SCAPER: variants seen among roughly 807,000 people sequenced by gnomAD.
SCAPER encodes S phase cyclin A-associated protein in the endoplasmic reticulum.
A neutral mutation model predicts 182.2 loss-of-function variants in SCAPER; 98 were observed. That is an observed-to-expected ratio of 0.54 (90% CI 0.46 to 0.64). The LOEUF (loss-of-function observed/expected upper bound fraction) is 0.64, where lower values mean the gene tolerates loss of function less well. Ranked by LOEUF, SCAPER falls within the 30% of genes least tolerant of loss-of-function variation. SCAPER has a pLI of 0.00. For missense variants in SCAPER, 1,432 were observed against 1,690.0 expected, an observed-to-expected ratio of 0.85 and a Z score of 2.68; for synonymous variants, 605 against 564.6, an observed-to-expected ratio of 1.07 and a Z score of -1.01.
intron 21 of SCAPER, among the ~76,000 whole-genome samples, chr15:76,633,006 C>T (rs575260836): frequency 2.6e-5 from 4 of 152,066 alleles, no homozygotes; most frequent in South Asian, 4.2e-4. Context: ...AACTCCTGAC[C>T]GCAGGTGATC....
At chr15:76,425,113 G>A (rs1161929915) in intron 26 of SCAPER, among the ~76,000 whole-genome samples, 1 of 152,062 alleles carries the variant, frequency 6.6e-6, no homozygotes, top group Non-Finnish European at 1.5e-5. Context: ...TGCTCTTCTC[G>A]AGGAGTATCT....
chr15:76,625,495 C>A (rs1181732539), intron 21 of SCAPER, among the ~76,000 whole-genome samples: 1 of 152,140 alleles, frequency 6.6e-6, no homozygotes, highest in Non-Finnish European at 1.5e-5. Flanking sequence ...CACTTCATCC[C>A]TGGAGGCAGT....
intron 23 of SCAPER, among the ~76,000 whole-genome samples, chr15:76,569,285 T>C (rs2047269245): frequency 6.6e-6 from 1 of 152,178 alleles, no homozygotes; most frequent in Non-Finnish European, 1.5e-5. Context: ...CCAAACGCTT[T>C]CGTTGTGTCT....
intron 5 of SCAPER, among the ~76,000 whole-genome samples, chr15:76,806,380 A>T (rs1267508578): frequency 2.0e-5 from 3 of 152,206 alleles, no homozygotes; most frequent in Non-Finnish European, 4.4e-5. Context: ...AAGGATTTCA[A>T]ATCTATTTCA....
chr15:76,614,369 T>G (rs1359455331), intron 22 of SCAPER, among the ~76,000 whole-genome samples: 1 of 152,008 alleles, frequency 6.6e-6, no homozygotes, highest in East Asian at 1.9e-4. Context: ...ATGTAACAAA[T>G]CTGCACTTGT....
chr15:76,856,269 G>A (rs2071358378), intron 4 of SCAPER, among the ~76,000 whole-genome samples: 1 of 151,934 alleles, frequency 6.6e-6, no homozygotes, highest in Non-Finnish European at 1.5e-5. Context: ...CCTCCTTGAG[G>A]GTGGGAGAAA....
intron 29 of SCAPER, among the ~76,000 whole-genome samples, chr15:76,357,499 C>T (rs1040153036): frequency 2.6e-5 from 4 of 152,168 alleles, no homozygotes; most frequent in Admixed American, 2.6e-4. Flanking sequence ...AACGCTTATA[C>T]GCTGTTGGTG....
At chr15:76,523,493 A>G (rs1263604143) in intron 23 of SCAPER, among the ~76,000 whole-genome samples, 1 of 152,080 alleles carries the variant, frequency 6.6e-6, no homozygotes, top group Non-Finnish European at 1.5e-5. Flanking sequence ...CTTTGGAAAA[A>G]TGAGTAATAA....
Position 76,520,073 on chromosome 15 carries a change from G to T in SCAPER, c.2839-15099C>A, listed in dbSNP as rs565097974. ...TCACTCATGTTACTTCCTCAAAGGG[G>T]CCTTCTCTAACCTCTAGATTGTGTT... On this transcript the variant is annotated intron_variant, in intron 23 of 31. Coordinates refer to ENST00000563290, the MANE Select transcript of SCAPER (RefSeq NM_020843.4). Among the ~76,000 whole-genome samples, 7 of 152,164 alleles carry T rather than the reference G, an allele frequency of 4.6e-5. No individual in the cohort carries two copies. In the South Asian group the frequency reaches 1.2e-3, roughly 27 times the overall value.
chr15:76,367,562 C>T (rs2041893119), intron 29 of SCAPER, among the ~76,000 whole-genome samples: 1 of 152,104 alleles, frequency 6.6e-6, no homozygotes, highest in Non-Finnish European at 1.5e-5. Context: ...TGGCAGCAGC[C>T]CCTCAGGCTG....
intron 20 of SCAPER, among the ~76,000 whole-genome samples, chr15:76,698,536 G>A (rs777061527): frequency 1.3e-5 from 2 of 152,128 alleles, no homozygotes; most frequent in African/African-American, 2.4e-5. Context: ...AAAAATGCAA[G>A]CACATAAAAT....
chr15:76,525,007 T>C (rs941845038), intron 23 of SCAPER, among the ~76,000 whole-genome samples: 8 of 152,298 alleles, frequency 5.3e-5, no homozygotes, highest in African/African-American at 1.9e-4. Flanking sequence ...AAAAAATATA[T>C]AGGCATTCCT....
chr15:76,752,618 C>T (rs1290896932), intron 15 of SCAPER, among the ~76,000 whole-genome samples: 1 of 151,668 alleles, frequency 6.6e-6, no homozygotes, highest in Non-Finnish European at 1.5e-5. Flanking sequence ...ATAAGCCAGT[C>T]ACAAAAGGAT....
rs562193356 is a variant in SCAPER at position 76,771,443 on chromosome 15, C to T, written c.1248+299G>A. On this transcript the variant is annotated intron_variant, in intron 10 of 31. Coordinates refer to ENST00000563290, the MANE Select transcript of SCAPER (RefSeq NM_020843.4). ...AGAATGCTAGATGTAGCATAGAAGACTTTATTGTTACTAGTTTAGATTCTT... is the reference window on the plus strand; with the variant it reads ...AGAATGCTAGATGTAGCATAGAAGATTTTATTGTTACTAGTTTAGATTCTT... 2.0e-5 allele frequency among the ~76,000 whole-genome samples: 3 copies of T among 152,200 alleles called. No individual in the cohort carries two copies. The South Asian group carries it at 6.2e-4, about 32-fold the overall frequency.
intron 22 of SCAPER, among the ~76,000 whole-genome samples, chr15:76,591,391 A>G (rs1161520081): frequency 6.6e-6 from 1 of 152,250 alleles, no homozygotes; most frequent in Non-Finnish European, 1.5e-5. Flanking sequence ...TAACAAAAAC[A>G]ATGGAAAGGG....
At chr15:76,775,258 T>C in intron 8 of SCAPER, 141 bp from the exon 9 acceptor site, 1 of 672,750 alleles carries the variant, frequency 1.5e-6, no homozygotes, top group Non-Finnish European at 2.4e-6. Flanking sequence ...ATACAAAATG[T>C]ATATTTGTAT....
intron 17 of SCAPER, among the ~76,000 whole-genome samples, chr15:76,708,453 G>A (rs1485815965): frequency 6.6e-6 from 1 of 151,420 alleles, no homozygotes; most frequent in South Asian, 2.1e-4. Flanking sequence ...AGAAATGCAG[G>A]GAGGGTGGGG....
intron 23 of SCAPER, among the ~76,000 whole-genome samples, chr15:76,552,657 C>T (rs1001657642): frequency 1.6e-4 from 25 of 152,244 alleles, no homozygotes; most frequent in African/African-American, 5.8e-4. Flanking sequence ...AGAAAAGTAG[C>T]AGAGCAGGAC....
intron 27 of SCAPER, among the ~76,000 whole-genome samples, chr15:76,396,244 A>G (rs1005345681): frequency 6.6e-6 from 1 of 152,160 alleles, no homozygotes; most frequent in Non-Finnish European, 1.5e-5. Flanking sequence ...TGTATTATAA[A>G]GTCAAGTAAT....
Sources: gnomAD v4.1 joint callset for allele counts (sites outside exome capture counted in the v4.1 genomes callset) on GRCh38, gnomAD v4.1.1 for gene constraint, MANE v1.5 for transcripts, NCBI Gene and HGNC (gene_info 2026-07-23, HGNC 2026-07-21) for gene names.